RABGAP1L: variants seen among roughly 807,000 people sequenced by gnomAD.
RABGAP1L encodes the protein rab GTPase-activating protein 1-like.
RABGAP1L carries 63 observed loss-of-function variants against 137.7 expected under a neutral mutation model. The observed-to-expected ratio is 0.46, with a 90% CI of 0.37 to 0.56. The LOEUF is 0.56. RABGAP1L is among the 20% of genes least tolerant of loss of function. The pLI is 0.00. For missense variants in RABGAP1L, 1,095 were observed against 1,244.0 expected, an observed-to-expected ratio of 0.88 and a Z score of 1.80; for synonymous variants, 431 against 433.7, an observed-to-expected ratio of 0.99 and a Z score of 0.08.
intron 11 of RABGAP1L, among the ~76,000 whole-genome samples, chr1:174,350,487 A>G (rs1200129066): frequency 3.3e-3 from 298 of 89,152 alleles, no homozygotes; most frequent in Non-Finnish European, 4.6e-3. Context: ...CACATCTCAG[A>G]CGATGGGCTG....
chr1:174,834,644 C>T (rs1051024523), intron 19 of RABGAP1L, among the ~76,000 whole-genome samples: 1 of 142,034 alleles, frequency 7.0e-6, no homozygotes, highest in African/African-American at 2.6e-5. Flanking sequence ...TTCCCACAGA[C>T]ATGCTGTTGG....
At chr1:174,440,151 G>A (rs1246450199) in intron 13 of RABGAP1L, among the ~76,000 whole-genome samples, 1 of 152,138 alleles carries the variant, frequency 6.6e-6, no homozygotes, top group Non-Finnish European at 1.5e-5. Context: ...TGGTGGGGAG[G>A]TAGAGGTAGT....
intron 13 of RABGAP1L, among the ~76,000 whole-genome samples, chr1:174,435,852 G>A (rs967893780): frequency 1.4e-5 from 2 of 141,590 alleles, no homozygotes; most frequent in Middle Eastern, 3.7e-3. Flanking sequence ...TCCCCTTCCT[G>A]TGTCCATGTG....
At chr1:174,590,324 T>C (rs1276134881) in intron 13 of RABGAP1L, among the ~76,000 whole-genome samples, 2 of 146,724 alleles carry the variant, frequency 1.4e-5, no homozygotes, top group Admixed American at 1.4e-4. Flanking sequence ...AGATGCTGTA[T>C]TGTTTTTTTT....
chr1:174,384,214 G>A (rs1378349050), intron 12 of RABGAP1L, among the ~76,000 whole-genome samples: 1 of 152,110 alleles, frequency 6.6e-6, no homozygotes, highest in African/African-American at 2.4e-5. Flanking sequence ...TGAAATTCTG[G>A]AAAAGTCAAA....
At chr1:174,871,224 C>T (rs1181300546) in intron 19 of RABGAP1L, among the ~76,000 whole-genome samples, 2 of 151,388 alleles carry the variant, frequency 1.3e-5, no homozygotes, top group African/African-American at 2.4e-5. Flanking sequence ...AGTGCAGTGG[C>T]GCGATCTCAG....
chr1:174,289,504 C>T (rs2148712857), intron 10 of RABGAP1L, among the ~76,000 whole-genome samples: 1 of 152,282 alleles, frequency 6.6e-6, no homozygotes, highest in East Asian at 1.9e-4. Context: ...TCAGTTATTA[C>T]AGCTTTATTA....
chr1:174,520,548 C>A (rs758123034), intron 13 of RABGAP1L, among the ~76,000 whole-genome samples: 1 of 152,222 alleles, frequency 6.6e-6, no homozygotes, highest in Admixed American at 6.5e-5. Flanking sequence ...AACTCTACTT[C>A]ACATTTGATT....
chr1:174,987,449 G>A (rs916499547), intron 24 of RABGAP1L, among the ~76,000 whole-genome samples: 35 of 152,210 alleles, frequency 2.3e-4, no homozygotes, highest in African/African-American at 8.0e-4. Flanking sequence ...ACAGGCATGA[G>A]CCACTGCACC....
intron 17 of RABGAP1L, among the ~76,000 whole-genome samples, chr1:174,725,883 C>G (rs936945387): frequency 1.3e-5 from 2 of 151,810 alleles, no homozygotes; most frequent in African/African-American, 4.8e-5. Flanking sequence ...TGCTAAATGA[C>G]GAGTTAATGG....
chr1:174,414,908 T>C (rs1211818858), intron 13 of RABGAP1L, among the ~76,000 whole-genome samples: 1 of 142,766 alleles, frequency 7.0e-6, no homozygotes, highest in East Asian at 2.0e-4. Context: ...TTCTATCAAA[T>C]AGAAAAAAAA....
At chr1:174,173,366 G>C (rs1048182001) in intron 1 of RABGAP1L, among the ~76,000 whole-genome samples, 1 of 152,072 alleles carries the variant, frequency 6.6e-6, no homozygotes, top group African/African-American at 2.4e-5. Context: ...CCAACCTCAG[G>C]TAATCTGCCC....
At chr1:174,818,305 G>A (rs1690651005) in intron 19 of RABGAP1L, among the ~76,000 whole-genome samples, 1 of 152,176 alleles carries the variant, frequency 6.6e-6, no homozygotes, top group African/African-American at 2.4e-5. Flanking sequence ...GAACACTAAG[G>A]GAAAAGGTGT....
chr1:174,584,825 T>C (rs1435400647), intron 13 of RABGAP1L, among the ~76,000 whole-genome samples: 1 of 134,358 alleles, frequency 7.4e-6, no homozygotes, highest in Non-Finnish European at 1.5e-5. Context: ...ACTCAAAAGA[T>C]GTATGTGTAT....
At chr1:174,677,814 A>G (rs1037877310) in intron 14 of RABGAP1L, among the ~76,000 whole-genome samples, 4 of 152,186 alleles carry the variant, frequency 2.6e-5, no homozygotes, top group African/African-American at 9.7e-5. Flanking sequence ...AAATGCCTAT[A>G]TTAGAAAAGA....
At chr1:174,579,771 G>T (rs1280829750) in intron 13 of RABGAP1L, among the ~76,000 whole-genome samples, 1 of 152,134 alleles carries the variant, frequency 6.6e-6, no homozygotes, top group African/African-American at 2.4e-5. Context: ...GATTTGTTTT[G>T]TTTTGTTTTG....
chr1:174,167,160 A>G (rs998052457), intron 1 of RABGAP1L, among the ~76,000 whole-genome samples: 3 of 152,240 alleles, frequency 2.0e-5, no homozygotes, highest in African/African-American at 7.2e-5. Flanking sequence ...GCCTCACACC[A>G]GTTAAATGAT....
At chr1:174,394,394 A>T (rs1288198370) in intron 13 of RABGAP1L, among the ~76,000 whole-genome samples, 1 of 152,132 alleles carries the variant, frequency 6.6e-6, no homozygotes, top group South Asian at 2.1e-4. Context: ...TATTTACCAA[A>T]TTGGAATATA....
chr1:174,816,039 G>A (rs1031079903), intron 19 of RABGAP1L, among the ~76,000 whole-genome samples: 2 of 151,742 alleles, frequency 1.3e-5, no homozygotes, highest in Non-Finnish European at 1.5e-5. Flanking sequence ...CCATTGCAGA[G>A]CTTCTTAAAC....
Sources: gnomAD v4.1 joint callset for allele counts (sites outside exome capture counted in the v4.1 genomes callset) on GRCh38, gnomAD v4.1.1 for gene constraint, MANE v1.5 for transcripts, NCBI Gene and HGNC (gene_info 2026-07-23, HGNC 2026-07-21) for gene names.